The following UTRN variants were observed in gnomAD, a reference collection of about 807,000 sequenced individuals.
UTRN encodes the protein utrophin, also known as dystrophin-related protein 1.
Under a neutral mutation model 463.9 loss-of-function variants are expected in UTRN, and 283 were observed. The ratio of observed to expected loss-of-function variants is 0.61; its 90% CI spans 0.55 to 0.67. The LOEUF (loss-of-function observed/expected upper bound fraction) is 0.67. Among genes scored for constraint, UTRN ranks in the 30% least tolerant of loss-of-function variants. The probability of loss-of-function intolerance (pLI) is 0.00; values close to 1 mark genes in which losing one functional copy is unlikely to be tolerated. For synonymous variants in UTRN, 1,442 were observed against 1,431.5 expected, an observed-to-expected ratio of 1.01 and a Z score of -0.17; for missense variants, 3,922 against 4,084.3, an observed-to-expected ratio of 0.96 and a Z score of 1.08.
intron 33 of UTRN, among the ~76,000 whole-genome samples, chr6:144,495,098 C>T (rs548561318): frequency 2.6e-5 from 4 of 152,380 alleles, no homozygotes; most frequent in African/African-American, 4.8e-5. Flanking sequence ...CAGTGGATCC[C>T]GCACCCGGGC....
At chr6:144,604,503 C>G (rs1489514419) in intron 51 of UTRN, among the ~76,000 whole-genome samples, 1 of 152,130 alleles carries the variant, frequency 6.6e-6, no homozygotes, top group Non-Finnish European at 1.5e-5. Context: ...TATTATTATT[C>G]AGCTAATGGT....
At chr6:144,803,185 C>T in intron 65 of UTRN, 38 bp downstream of exon 65, 2 of 1,247,952 alleles carry the variant, frequency 1.6e-6, no homozygotes, top group Non-Finnish European at 1.1e-6. Flanking sequence ...TAATACATTG[C>T]CATTGAATTA....
chr6:144,695,551 G>T (rs1783913644), intron 52 of UTRN, among the ~76,000 whole-genome samples: 1 of 152,030 alleles, frequency 6.6e-6, no homozygotes, highest in South Asian at 2.1e-4. Context: ...CACCGTGTTG[G>T]CCAGGCTGCT....
At chr6:144,301,661 A>G (rs1440063453) in intron 2 of UTRN, among the ~76,000 whole-genome samples, 2 of 150,600 alleles carry the variant, frequency 1.3e-5, no homozygotes, top group African/African-American at 2.4e-5. Context: ...CAGCCTCCCA[A>G]GTAGCTGGGA....
At chr6:144,771,783 G>T in intron 58 of UTRN, 124 bp from the exon 59 acceptor site, 1 of 700,712 alleles carries the variant, frequency 1.4e-6, no homozygotes, top group Non-Finnish European at 2.2e-6. Context: ...TGATAATGAG[G>T]ATAATTTTGC....
chr6:144,796,709 C>G (rs1777249627), intron 63 of UTRN, among the ~76,000 whole-genome samples: 1 of 151,992 alleles, frequency 6.6e-6, no homozygotes, highest in Non-Finnish European at 1.5e-5. Flanking sequence ...AAGTACAAGT[C>G]TACAGATATT....
Position 144,440,426 on chromosome 6 carries a change from A to C in UTRN, c.1467A>C (p.Glu489Asp), listed in dbSNP as rs1430363556. 5 of 1,614,218 alleles carry C rather than the reference A, an allele frequency of 3.1e-6. No individual in the cohort carries two copies. The highest frequency in any genetic ancestry group is 1.1e-5 in the South Asian group (1 of 91,084). ...SLTHMVVIVD[E>D]NSGESATAIL... ...CTCACATGGTGGTCATTGTTGATGA[A>C]AACAGTGGTGAGAGTGCTACAGCTA... The change falls in exon 13 of 75, where the codon GAA (glutamate) becomes GAC (aspartate). Residue 489 changes from glutamate (E) to aspartate (D), a missense_variant. Glu to Asp is a conservative substitution (Grantham distance 45). Coordinates refer to ENST00000367545, the MANE Select transcript of UTRN (RefSeq NM_007124.3).
intron 2 of UTRN, among the ~76,000 whole-genome samples, chr6:144,377,220 A>G (rs903158258): frequency 3.3e-5 from 5 of 151,970 alleles, no homozygotes; most frequent in Admixed American, 6.6e-5. Context: ...GTATTTCAAT[A>G]GAGAAAGGGT....
At chr6:144,766,344 T>C (rs1793342962) in intron 58 of UTRN, among the ~76,000 whole-genome samples, 1 of 151,944 alleles carries the variant, frequency 6.6e-6, no homozygotes, top group Non-Finnish European at 1.5e-5. Context: ...TCACTCTTCA[T>C]ACTTTAGGCA....
At position 144,782,934 on chromosome 6, in the gene UTRN, G is replaced by A. The variant is rs9399499; in HGVS notation, c.8834+811G>A. Among the ~76,000 whole-genome samples the A allele has an allele frequency of 3.0e-3, 464 of 152,172 alleles. 18 individuals carry two copies. In the East Asian group the frequency reaches 0.074, roughly 24 times the overall value. On this transcript the variant is annotated intron_variant, in intron 61 of 74. Coordinates refer to ENST00000367545, the MANE Select transcript of UTRN (RefSeq NM_007124.3). ...AACTGGGCTGGGCACGGTGGCTCCC[G>A]CCTGTAATCCCAGCACTTTGGGTGG...
chr6:144,590,830 C>T lies in UTRN; in HGVS notation c.7479+13542C>T, dbSNP rs1175698139. ...AGATAGGGTTGGAATTAGTCTCTCT[C>T]TCTCTCTCAATCTACACACACACAC... On this transcript the variant is annotated intron_variant, in intron 51 of 74. Transcript: ENST00000367545. 2.1e-5 allele frequency among the ~76,000 whole-genome samples: 3 copies of T among 140,286 alleles called. No individual in the cohort carries two copies. In the East Asian group the frequency reaches 6.0e-4, roughly 28 times the overall value. The allele number at this position is 140,286 out of a possible 152,430, so 92.0% of individuals were successfully genotyped here. A position where few individuals can be genotyped will look rare whatever the true frequency, so the allele number is the denominator to read the frequency against.
intron 21 of UTRN, among the ~76,000 whole-genome samples, chr6:144,460,332 T>TTGTGAAATGCATTGAGCATTG (rs1390109319): frequency 1.3e-5 from 2 of 152,228 alleles, no homozygotes; most frequent in Non-Finnish European, 2.9e-5. Flanking sequence ...GTGCATTATT[T>TTGTGAAATGCATTGAGCATTG]TGTGAAATGC....
intron 69 of UTRN, 25 bp from the exon 70 acceptor site, chr6:144,835,755 G>A: frequency 6.2e-7 from 1 of 1,613,080 alleles, no homozygotes; most frequent in Non-Finnish European, 8.5e-7. Context: ...GTGAGCCTCT[G>A]GGTCTGTTTC....
intron 33 of UTRN, among the ~76,000 whole-genome samples, chr6:144,498,905 T>C (rs1793921546): frequency 6.6e-6 from 1 of 152,164 alleles, no homozygotes; most frequent in African/African-American, 2.4e-5. Flanking sequence ...ACTCTTGGAC[T>C]CAAAAGATTT....
intron 2 of UTRN, among the ~76,000 whole-genome samples, chr6:144,327,535 A>C (rs1368316204): frequency 6.6e-6 from 1 of 152,064 alleles, no homozygotes; most frequent in East Asian, 1.9e-4. Context: ...CCTCTCATCA[A>C]AGCTCTTTTT....
At chr6:144,304,598 C>A (rs1470007590) in intron 2 of UTRN, among the ~76,000 whole-genome samples, 1 of 152,080 alleles carries the variant, frequency 6.6e-6, no homozygotes, top group African/African-American at 2.4e-5. Flanking sequence ...AAGCTGAGAT[C>A]TGAAAGAATG....
At chr6:144,796,627 C>T (rs956474130) in intron 63 of UTRN, among the ~76,000 whole-genome samples, 1 of 152,002 alleles carries the variant, frequency 6.6e-6, no homozygotes, top group Non-Finnish European at 1.5e-5. Flanking sequence ...AAAGCACTTT[C>T]ATTTCTTTTT....
At chr6:144,812,907 T>A (rs1341737602) in intron 65 of UTRN, among the ~76,000 whole-genome samples, 1 of 152,132 alleles carries the variant, frequency 6.6e-6, no homozygotes, top group Admixed American at 6.5e-5. Context: ...GTTTTCATTG[T>A]TTTACGGCTA....
chr6:144,706,029 T>C (rs1785052578), intron 53 of UTRN, among the ~76,000 whole-genome samples: 2 of 152,024 alleles, frequency 1.3e-5, no homozygotes, highest in Admixed American at 1.3e-4. Context: ...CTGAACATCA[T>C]CAGTCATAAT....
Sources: allele counts gnomAD v4.1 joint callset (sites outside exome capture counted in the v4.1 genomes callset), GRCh38; gene constraint gnomAD v4.1.1; transcripts MANE v1.5; gene names NCBI Gene and HGNC (gene_info 2026-07-23, HGNC 2026-07-21).